ADAMTSL3: variants seen among roughly 807,000 people sequenced by gnomAD.
The protein encoded by ADAMTSL3 is ADAMTS like 3, also known as ADAMTS-like protein 3.
Under a neutral mutation model 201.7 loss-of-function variants are expected in ADAMTSL3, and 128 were observed. The ratio of observed to expected loss-of-function variants is 0.63; its 90% CI spans 0.55 to 0.73. The LOEUF (loss-of-function observed/expected upper bound fraction) is 0.73, where lower values mean the gene tolerates loss of function less well. ADAMTSL3 is among the 30% of genes least tolerant of loss of function. The probability of loss-of-function intolerance (pLI) is 0.00; values close to 1 mark genes in which losing one functional copy is unlikely to be tolerated. For missense variants in ADAMTSL3, 1,990 were observed against 2,119.6 expected (o/e 0.94, Z 1.20); for synonymous variants, 738 against 748.4 (o/e 0.99, Z 0.23).
At chr15:83,701,586 A>AT (rs1324029778) in intron 2 of ADAMTSL3, among the ~76,000 whole-genome samples, 1 of 152,150 alleles carries the variant, frequency 6.6e-6, no homozygotes, top group African/African-American at 2.4e-5. Context: ...TGGGGGAGGT[A>AT]TCCCCCATAC....
intron 5 of ADAMTSL3, among the ~76,000 whole-genome samples, chr15:83,816,760 C>G (rs1485626697): frequency 1.3e-5 from 2 of 152,348 alleles, no homozygotes; most frequent in African/African-American, 4.8e-5. Context: ...AATCCCAGCA[C>G]TTTGGGAGGC....
intron 7 of ADAMTSL3, among the ~76,000 whole-genome samples, chr15:83,854,566 A>G (rs2064691216): frequency 6.6e-6 from 1 of 152,328 alleles, no homozygotes; most frequent in South Asian, 2.1e-4. Context: ...TTTCCCTGTA[A>G]GAAATCTGCA....
intron 2 of ADAMTSL3, among the ~76,000 whole-genome samples, chr15:83,669,074 C>T (rs534370681): frequency 2.6e-5 from 4 of 152,272 alleles, no homozygotes; most frequent in South Asian, 4.1e-4. Flanking sequence ...CAGCCTTGTC[C>T]GATGTTATTA....
At chr15:83,761,169 A>G (rs886503691) in intron 3 of ADAMTSL3, among the ~76,000 whole-genome samples, 3 of 152,098 alleles carry the variant, frequency 2.0e-5, no homozygotes, top group African/African-American at 7.2e-5. Context: ...TAAAACATCT[A>G]TCCTTGACTT....
intron 26 of ADAMTSL3, 113 bp downstream of exon 26, chr15:84,021,706 T>A: frequency 9.0e-7 from 1 of 1,110,092 alleles, no homozygotes. Context: ...TCACTTACTG[T>A]ATACTAGGCA....
chr15:83,709,321 A>G (rs2061899767), intron 3 of ADAMTSL3, among the ~76,000 whole-genome samples: 1 of 152,232 alleles, frequency 6.6e-6, no homozygotes, highest in African/African-American at 2.4e-5. Flanking sequence ...AAGGTGTTCT[A>G]GCACTTGGTT....
chr15:83,725,095 A>G (rs1001860158), intron 3 of ADAMTSL3, among the ~76,000 whole-genome samples: 1 of 152,060 alleles, frequency 6.6e-6, no homozygotes, highest in African/African-American at 2.4e-5. Flanking sequence ...CTGGAACATG[A>G]TAGTTCTATT....
chr15:84,010,117 G>T (rs1256395573), intron 23 of ADAMTSL3, among the ~76,000 whole-genome samples: 1 of 152,324 alleles, frequency 6.6e-6, no homozygotes, highest in East Asian at 1.9e-4. Flanking sequence ...AGTCATTTAA[G>T]CGAGAATTGC....
At chr15:83,655,967 T>A in intron 2 of ADAMTSL3, 137 bp downstream of exon 2, 1 of 896,480 alleles carries the variant, frequency 1.1e-6, no homozygotes, top group Non-Finnish European at 1.7e-6. Context: ...TTCCTATCTC[T>A]AGCCAATGGT....
intron 2 of ADAMTSL3, among the ~76,000 whole-genome samples, chr15:83,688,003 A>G (rs2061560909): frequency 6.6e-6 from 1 of 152,250 alleles, no homozygotes; most frequent in Non-Finnish European, 1.5e-5. Flanking sequence ...ACAAAGTGTA[A>G]AGCATGAGGG....
chr15:83,690,128 T>C (rs2061592403), intron 2 of ADAMTSL3, among the ~76,000 whole-genome samples: 1 of 152,200 alleles, frequency 6.6e-6, no homozygotes, highest in Non-Finnish European at 1.5e-5. Flanking sequence ...CATTTTCCTC[T>C]CAATCCTCAT....
At position 83,662,446 on chromosome 15, in the gene ADAMTSL3, G is replaced by A. The variant is rs2061183868; in HGVS notation, c.69+6616G>A. Among the ~76,000 whole-genome samples, 4 of 148,256 alleles carry A rather than the reference G, an allele frequency of 2.7e-5. No individual in the cohort carries two copies. The South Asian group carries it at 8.8e-4, about 33-fold the overall frequency. ...GGTGGGGTGGGGGGAGGGGGGGATA[G>A]CATTGGGAGATATACCTAATGCTAG... On this transcript the variant is annotated intron_variant, in intron 2 of 29. Transcript: ENST00000286744.
chr15:83,880,676 G>C (rs7181926), intron 9 of ADAMTSL3, among the ~76,000 whole-genome samples: 94,810 of 151,988 alleles, frequency 0.62, 30,854 homozygotes, highest in African/African-American at 0.8. Context: ...TTGATTTCTT[G>C]AACATTTTAA....
intron 17 of ADAMTSL3, among the ~76,000 whole-genome samples, chr15:83,928,409 C>T (rs1346604154): frequency 6.6e-6 from 1 of 152,172 alleles, no homozygotes; most frequent in Non-Finnish European, 1.5e-5. Flanking sequence ...AGATTTAAAT[C>T]TTACTGCAGA....
chr15:84,024,027 G>A (rs1022221707), intron 26 of ADAMTSL3, among the ~76,000 whole-genome samples: 9 of 152,152 alleles, frequency 5.9e-5, no homozygotes, highest in South Asian at 2.1e-4. Context: ...AGGCCGAGGC[G>A]GGCGGATCAC....
At chr15:83,713,847 A>G (rs776156945) in intron 3 of ADAMTSL3, among the ~76,000 whole-genome samples, 5 of 152,170 alleles carry the variant, frequency 3.3e-5, no homozygotes, top group Non-Finnish European at 7.4e-5. Context: ...GTGTAGGCAC[A>G]GTTTGCAAAG....
At chr15:84,022,600 A>G (rs781453190) in intron 26 of ADAMTSL3, among the ~76,000 whole-genome samples, 3 of 152,246 alleles carry the variant, frequency 2.0e-5, no homozygotes, top group Admixed American at 6.5e-5. Flanking sequence ...TCTTAGGACA[A>G]AGGCCAAAAT....
At chr15:83,685,279 TG>T (rs1461392815) in intron 2 of ADAMTSL3, among the ~76,000 whole-genome samples, 1 of 152,196 alleles carries the variant, frequency 6.6e-6, no homozygotes, top group Admixed American at 6.5e-5. Flanking sequence ...GTCTTTGGCC[TG>T]TTTTTTTTAT....
chr15:83,844,114 T>A (rs559605481), intron 7 of ADAMTSL3, among the ~76,000 whole-genome samples: 44 of 152,324 alleles, frequency 2.9e-4, no homozygotes, highest in African/African-American at 1.0e-3. Context: ...GTGAGGCAAA[T>A]AAACAAGATC....
Sources: allele counts gnomAD v4.1 joint callset (sites outside exome capture counted in the v4.1 genomes callset), GRCh38; gene constraint gnomAD v4.1.1; transcripts MANE v1.5; gene names NCBI Gene and HGNC (gene_info 2026-07-23, HGNC 2026-07-21).